RAB38: variants seen among roughly 807,000 people sequenced by gnomAD.
RAB38 encodes the protein RAB38, member RAS oncogene family.
Under a neutral mutation model 18.4 loss-of-function variants are expected in RAB38, and 15 were observed. That is an observed-to-expected ratio of 0.82 (90% CI 0.55 to 1.26). The LOEUF (loss-of-function observed/expected upper bound fraction) is 1.26. Ranked by LOEUF, RAB38 falls within the 50% of genes most tolerant of loss-of-function variation. The pLI is 0.00. For missense variants in RAB38, 294 were observed against 267.4 expected (o/e 1.10, Z -0.69); for synonymous variants, 101 against 104.4 (o/e 0.97, Z 0.20).
the RAB38 span, among the ~76,000 whole-genome samples, chr11:87,806,781 T>C: frequency 2.0e-5 from 3 of 152,212 alleles, no homozygotes; most frequent in Admixed American, 6.5e-5. Context: ...GCACTGAGCT[T>C]ATCAAAGATT....
chr11:87,861,598 A>G, the RAB38 span, among the ~76,000 whole-genome samples: 37,013 of 151,646 alleles, frequency 0.24, 5,881 homozygotes, highest in African/African-American at 0.45. Flanking sequence ...GAGGGCCAAA[A>G]AGTGATACTA....
chr11:88,017,898 T>G, the RAB38 span, among the ~76,000 whole-genome samples: 3 of 151,888 alleles, frequency 2.0e-5, no homozygotes, highest in African/African-American at 4.8e-5. Flanking sequence ...AATTGAAACA[T>G]GGGGACATGT....
chr11:87,945,087 T>G, the RAB38 span, among the ~76,000 whole-genome samples: 1 of 152,104 alleles, frequency 6.6e-6, no homozygotes, highest in African/African-American at 2.4e-5. Flanking sequence ...AATTTTAAAT[T>G]TTTCATCTGA....
chr11:88,038,183 G>A, the RAB38 span, among the ~76,000 whole-genome samples: 1 of 152,124 alleles, frequency 6.6e-6, no homozygotes, highest in Non-Finnish European at 1.5e-5. Context: ...GCAAAAACCA[G>A]CATGAGCTGG....
the RAB38 span, among the ~76,000 whole-genome samples, chr11:87,852,829 C>T: frequency 8.5e-5 from 13 of 152,202 alleles, no homozygotes; most frequent in South Asian, 2.1e-4. Context: ...CTTTTCTCAC[C>T]TCTTTTCAAA....
the RAB38 span, among the ~76,000 whole-genome samples, chr11:87,920,990 G>T: frequency 6.6e-6 from 1 of 151,926 alleles, no homozygotes; most frequent in Non-Finnish European, 1.5e-5. Flanking sequence ...AAGACCAAGG[G>T]GCTGGCATCT....
chr11:88,154,311 T>C (rs577119535), intron 1 of RAB38, among the ~76,000 whole-genome samples: 100 of 152,338 alleles, frequency 6.6e-4, no homozygotes, highest in Non-Finnish European at 1.3e-3. Flanking sequence ...GCACTCACTC[T>C]AGAGCTGCAT....
At chr11:87,925,166 C>T in the RAB38 span, among the ~76,000 whole-genome samples, 1 of 152,060 alleles carries the variant, frequency 6.6e-6, no homozygotes, top group African/African-American at 2.4e-5. Context: ...AACCTGACTT[C>T]ACTATTTCCT....
intron 1 of RAB38, among the ~76,000 whole-genome samples, chr11:88,164,486 C>T (rs548046999): frequency 6.6e-6 from 1 of 152,056 alleles, no homozygotes; most frequent in East Asian, 1.9e-4. Flanking sequence ...CAATGTGAAA[C>T]AGGAAATGAC....
chr11:87,971,626 C>T, the RAB38 span, among the ~76,000 whole-genome samples: 1 of 152,112 alleles, frequency 6.6e-6, no homozygotes, highest in Non-Finnish European at 1.5e-5. Context: ...AGCTTATTTT[C>T]ACTAAAGTTC....
At chr11:87,942,850 C>T in the RAB38 span, among the ~76,000 whole-genome samples, 1 of 152,276 alleles carries the variant, frequency 6.6e-6, no homozygotes, top group South Asian at 2.1e-4. Context: ...ATCATTCTCG[C>T]TTTTCATAGA....
At chr11:87,957,867 T>C in the RAB38 span, among the ~76,000 whole-genome samples, 1 of 152,098 alleles carries the variant, frequency 6.6e-6, no homozygotes. Flanking sequence ...CCTAACGAAA[T>C]ACTCAGCATG....
chr11:87,865,254 G>A, the RAB38 span, among the ~76,000 whole-genome samples: 1 of 151,696 alleles, frequency 6.6e-6, no homozygotes, highest in African/African-American at 2.4e-5. Flanking sequence ...TTGTAAATAT[G>A]ATTAAAGTAA....
chr11:87,955,411 A>G, the RAB38 span, among the ~76,000 whole-genome samples: 9 of 152,132 alleles, frequency 5.9e-5, no homozygotes, highest in Non-Finnish European at 7.4e-5. Flanking sequence ...TACCATGCTC[A>G]CTACTAGGGT....
chr11:87,804,056 C>T, the RAB38 span, among the ~76,000 whole-genome samples: 4 of 152,166 alleles, frequency 2.6e-5, no homozygotes, highest in African/African-American at 9.7e-5. Context: ...TGACCAAAAC[C>T]GTGATTTTAT....
chr11:88,036,924 A>G, the RAB38 span, among the ~76,000 whole-genome samples: 3 of 152,080 alleles, frequency 2.0e-5, no homozygotes, highest in Non-Finnish European at 2.9e-5. Flanking sequence ...TCTTGAATCA[A>G]TATTCATAAG....
the RAB38 span, among the ~76,000 whole-genome samples, chr11:88,028,460 C>T: frequency 7.2e-5 from 11 of 152,056 alleles, no homozygotes; most frequent in African/African-American, 1.4e-4. Context: ...AAACCAAAGG[C>T]AAATAAGTTG....
the RAB38 span, among the ~76,000 whole-genome samples, chr11:87,869,287 C>T: frequency 6.7e-6 from 1 of 150,260 alleles, no homozygotes. Context: ...ACATCTATCT[C>T]ATTTAATCTT....
chr11:87,947,888 G>T, the RAB38 span, among the ~76,000 whole-genome samples: 2 of 152,090 alleles, frequency 1.3e-5, no homozygotes, highest in South Asian at 4.1e-4. Context: ...CTCTTTTTTG[G>T]TTCCATATGA....
Sources: allele counts gnomAD v4.1 joint callset (sites outside exome capture counted in the v4.1 genomes callset), GRCh38; gene constraint gnomAD v4.1.1; transcripts MANE v1.5; gene names NCBI Gene and HGNC (gene_info 2026-07-23, HGNC 2026-07-21).